DNAJC7: variants seen among roughly 807,000 people sequenced by gnomAD.
DNAJC7 encodes DnaJ heat shock protein family (Hsp40) member C7.
A neutral mutation model predicts 67.4 loss-of-function variants in DNAJC7; 18 were observed. The observed-to-expected ratio is 0.27, with a 90% CI of 0.18 to 0.40. The LOEUF (loss-of-function observed/expected upper bound fraction) is 0.40, where lower values mean the gene tolerates loss of function less well. DNAJC7 is among the 10% of genes least tolerant of loss of function. DNAJC7 has a pLI of 1.00. For synonymous variants in DNAJC7, 220 were observed against 207.8 expected (o/e 1.06, Z -0.50); for missense variants, 419 against 613.8 (o/e 0.68, Z 3.35).
chr17:42,017,317 C>T, intron 1 of DNAJC7, 23 bp downstream of exon 1: 1 of 1,611,078 alleles, frequency 6.2e-7, no homozygotes. Context: ...GTCGCCTCCT[C>T]TACTACCCTG....
Position 41,990,306 on chromosome 17 carries a change from A to G in DNAJC7, c.557T>C (p.Leu186Ser), listed in dbSNP as rs1555647566. Residue 186 changes from leucine to serine, a missense_variant, in exon 6 of 14, where the codon TTA becomes TCA. Leu to Ser is a moderately radical substitution (Grantham distance 145, BLOSUM62 -2). Around this residue, in one of 4 missense-constraint regions of DNAJC7, gnomAD observed 179 missense variants for 249.7 expected, o/e 0.72. Coordinates refer to ENST00000457167, the MANE Select transcript of DNAJC7 (RefSeq NM_003315.4). ...HRFKILKAEC[L>S]AMLGRYPEAQ... is the part of the protein sequence containing the mutation. ...TTCTGGATAACGACCCAGCATTGCT[A>G]AACATTCTGCCTTGAGGATTTTGAA... is the stretch of plus-strand genomic sequence containing the variant. 1 of 1,611,890 alleles carries G rather than the reference A, an allele frequency of 6.2e-7. No individual in the cohort carries two copies. Among genetic ancestry groups the G allele is most frequent in the Non-Finnish European group, 8.5e-7 (1 of 1,179,090 alleles).
chr17:41,994,205 G>A (rs375109202), intron 5 of DNAJC7, among the ~76,000 whole-genome samples: 2 of 146,528 alleles, frequency 1.4e-5, no homozygotes, highest in African/African-American at 5.0e-5. Context: ...GCGTGGTGGC[G>A]CATGCCTATA....
At chr17:41,986,366 G>A (rs2051379937) in intron 9 of DNAJC7, among the ~76,000 whole-genome samples, 1 of 151,302 alleles carries the variant, frequency 6.6e-6, no homozygotes, top group East Asian at 1.9e-4. Flanking sequence ...ACTCCATCCC[G>A]AGCGACATAG....
chr17:41,980,786 G>A (rs1344532914), intron 12 of DNAJC7, among the ~76,000 whole-genome samples: 4 of 152,074 alleles, frequency 2.6e-5, no homozygotes, highest in Admixed American at 2.0e-4. Context: ...AATCTTTTTG[G>A]GAAATTAAAA....
At position 42,008,395 on chromosome 17, in the gene DNAJC7, G is replaced by GAT. The variant is rs1226531409; in HGVS notation, c.78-7827_78-7826dup. ...TAGATAAGTGGAAGTCACAGGTATA[G>GAT]ATATATATATATAGATATAGATTTT... On this transcript the variant is annotated intron_variant, in intron 1 of 13. Transcript: ENST00000457167. Among the ~76,000 whole-genome samples the GAT allele has an allele frequency of 2.1e-3, 281 of 136,884 alleles. 1 individual carries two copies. The highest frequency in any genetic ancestry group is 6.7e-3 in the African/African-American group (245 of 36,552). 89.8% of individuals were successfully genotyped at this position (136,884 alleles called of 152,430 possible). A position where few individuals can be genotyped will look rare whatever the true frequency, so the allele number is the denominator to read the frequency against.
intron 9 of DNAJC7, chr17:41,984,901 A>G (rs1212504928): frequency 1.3e-5 from 2 of 151,508 alleles, no homozygotes; most frequent in African/African-American, 4.9e-5. Context: ...ATCTCTGCTC[A>G]CTGCAACCTC....
intron 1 of DNAJC7, among the ~76,000 whole-genome samples, chr17:42,009,939 C>T (rs1334737374): frequency 6.6e-6 from 1 of 151,274 alleles, no homozygotes; most frequent in Admixed American, 6.6e-5. Flanking sequence ...GTGATGAGAT[C>T]AAGACCATCC....
At chr17:41,996,266 T>C in intron 4 of DNAJC7, 45 bp downstream of exon 4, 1 of 1,597,146 alleles carries the variant, frequency 6.3e-7, no homozygotes, top group Non-Finnish European at 8.6e-7. Context: ...TCCTCCCAAA[T>C]ATACCATACT....
chr17:42,003,297 TC>T (rs2051857683), intron 1 of DNAJC7: 1 of 151,896 alleles, frequency 6.6e-6, no homozygotes, highest in Non-Finnish European at 1.5e-5. Context: ...TGGACTGGAG[TC>T]CCTCCTTCAT....
intron 1 of DNAJC7, among the ~76,000 whole-genome samples, chr17:42,007,178 G>A (rs568037051): frequency 5.8e-4 from 88 of 151,910 alleles, no homozygotes; most frequent in African/African-American, 2.0e-3. Flanking sequence ...TACTGCCAAT[G>A]AGTCAATATC....
chr17:42,005,553 G>C (rs2051924745), intron 1 of DNAJC7, among the ~76,000 whole-genome samples: 1 of 152,156 alleles, frequency 6.6e-6, no homozygotes, highest in Non-Finnish European at 1.5e-5. Context: ...CTCTGGAATT[G>C]CTTGACATAT....
chr17:41,994,695 A>G (rs567499303), intron 5 of DNAJC7, among the ~76,000 whole-genome samples, 175 bp downstream of exon 5: 1 of 152,304 alleles, frequency 6.6e-6, no homozygotes, highest in Non-Finnish European at 1.5e-5. Flanking sequence ...AATTAAGAAA[A>G]TAAGTACCTT....
chr17:41,986,081 G>C (rs1555646759), intron 9 of DNAJC7: 2 of 22,904 alleles, frequency 8.7e-5, no homozygotes, highest in Admixed American at 7.9e-4. Flanking sequence ...AAAAAAAAAG[G>C]CCGGGCGCGG....
chr17:41,977,605 C>T (rs1411263121), intron 12 of DNAJC7: 3 of 309,646 alleles, frequency 9.7e-6, no homozygotes, highest in African/African-American at 6.4e-5. Context: ...GTTTTCTCAA[C>T]AAATGGAATG....
chr17:41,994,367 A>C (rs2143218555), intron 5 of DNAJC7, among the ~76,000 whole-genome samples: 1 of 151,204 alleles, frequency 6.6e-6, no homozygotes, highest in East Asian at 2.0e-4. Flanking sequence ...AAAAACAAAA[A>C]CAAAAAACAA....
intron 1 of DNAJC7, among the ~76,000 whole-genome samples, chr17:42,007,667 G>A (rs1478015634): frequency 6.6e-6 from 1 of 151,460 alleles, no homozygotes; most frequent in African/African-American, 2.4e-5. Flanking sequence ...GGGACTACAG[G>A]CACGCACCAC....
rs782009160 is a variant in DNAJC7, at chr17:41,981,808, C to T, written c.1384+47G>A. 3.8e-6 allele frequency: 6 copies of T among 1,593,172 alleles called. No homozygotes were observed. The South Asian group carries it at 6.8e-5, about 18-fold the overall frequency. Reference sequence around the variant, plus strand: ...GGAGCATCTTTGGAAAAAATTCTAACATTCTACAGCTGTCAAATTCATCCC... The same window carrying T: ...GGAGCATCTTTGGAAAAAATTCTAATATTCTACAGCTGTCAAATTCATCCC... On this transcript the variant is annotated intron_variant, in intron 12 of 13. Coordinates refer to ENST00000457167, the MANE Select transcript of DNAJC7 (RefSeq NM_003315.4).
intron 9 of DNAJC7, among the ~76,000 whole-genome samples, chr17:41,986,925 C>T (rs1555646964): frequency 6.6e-6 from 1 of 152,130 alleles, no homozygotes; most frequent in East Asian, 1.9e-4. Flanking sequence ...GCATCAGTGA[C>T]AGCATCTGTT....
At chr17:41,987,242 G>A (rs1555647020) in intron 9 of DNAJC7, among the ~76,000 whole-genome samples, 1 of 152,080 alleles carries the variant, frequency 6.6e-6, no homozygotes. Flanking sequence ...GACACAGAGT[G>A]CCCTCCACTC....
Sources: allele counts gnomAD v4.1 joint callset (sites outside exome capture counted in the v4.1 genomes callset), GRCh38; gene constraint gnomAD v4.1.1; regional missense constraint gnomAD v4.1.1; transcripts MANE v1.5; gene names NCBI Gene and HGNC (gene_info 2026-07-23, HGNC 2026-07-21).